SPRY3: variants seen among roughly 807,000 people sequenced by gnomAD.
SPRY3 encodes the protein sprouty RTK signaling antagonist 3.
In SPRY3, 15 loss-of-function variants were observed where a neutral mutation model predicts 20.2. The ratio of observed to expected loss-of-function variants is 0.74; its 90% CI spans 0.50 to 1.14. The LOEUF is 1.14. SPRY3 is among the 50% of genes most tolerant of loss of function. The pLI is 0.00. For synonymous variants in SPRY3, 143 were observed against 136.5 expected (o/e 1.05, Z -0.33); for missense variants, 364 against 363.9 (o/e 1.00, Z 0.00).
At chrX:155,732,641 A>G (rs992875231) in intron 2 of SPRY3, among the ~76,000 whole-genome samples, 15 of 152,018 alleles carry the variant, frequency 9.9e-5, no homozygotes, top group African/African-American at 3.4e-4. Context: ...CAGCAATCCC[A>G]CTGTTGGGTA....
At chrX:155,652,116 C>A (rs898196277) in intron 1 of SPRY3, among the ~76,000 whole-genome samples, 1 of 110,922 alleles carries the variant, frequency 9.0e-6, no homozygotes, top group Non-Finnish European at 1.9e-5. Flanking sequence ...AGGAGAACAG[C>A]GAGGAGGAAA....
intron 2 of SPRY3, among the ~76,000 whole-genome samples, chrX:155,760,536 CT>C (rs1477144725): frequency 4.6e-5 from 7 of 152,110 alleles, no homozygotes; most frequent in African/African-American, 1.7e-4. Context: ...AAGTTTGTGT[CT>C]TTCTTTGACT....
At chrX:155,720,642 G>T (rs1392469502) in intron 2 of SPRY3, among the ~76,000 whole-genome samples, 1 of 152,216 alleles carries the variant, frequency 6.6e-6, no homozygotes, top group South Asian at 2.1e-4. Flanking sequence ...GGGAGAACAG[G>T]AGTTTCTGCC....
At chrX:155,740,708 A>G (rs1479841177) in intron 2 of SPRY3, among the ~76,000 whole-genome samples, 1 of 152,168 alleles carries the variant, frequency 6.6e-6, no homozygotes, top group African/African-American at 2.4e-5. Flanking sequence ...ACAGCTGAAC[A>G]TAGACCCTTA....
chrX:155,634,951 A>G (rs1418488732), intron 1 of SPRY3, among the ~76,000 whole-genome samples: 1 of 109,205 alleles, frequency 9.2e-6, no homozygotes, highest in Non-Finnish European at 1.9e-5. Context: ...GGTTTGTTAC[A>G]TAGGTATACA....
intron 2 of SPRY3, among the ~76,000 whole-genome samples, chrX:155,719,367 T>A (rs375596423): frequency 5.3e-5 from 8 of 151,910 alleles, no homozygotes; most frequent in African/African-American, 1.9e-4. Flanking sequence ...GGGCTCTAAA[T>A]AAACTTGAAA....
intron 2 of SPRY3, among the ~76,000 whole-genome samples, chrX:155,736,961 A>T (rs1363542137): frequency 1.3e-5 from 2 of 151,936 alleles, no homozygotes; most frequent in African/African-American, 4.8e-5. Context: ...TTCCTGGACC[A>T]TGTCTAGTCT....
intron 2 of SPRY3, among the ~76,000 whole-genome samples, chrX:155,663,913 C>CA (rs1255168339): frequency 9.0e-6 from 1 of 111,238 alleles, no homozygotes; most frequent in Middle Eastern, 4.2e-3. Context: ...CATACACATA[C>CA]AATATGCAAG....
chrX:155,688,006 A>T (rs2068092393), intron 2 of SPRY3, among the ~76,000 whole-genome samples: 1 of 109,895 alleles, frequency 9.1e-6, no homozygotes, highest in Non-Finnish European at 1.9e-5. Flanking sequence ...TAAGCATAGC[A>T]TCCATTAGCT....
chrX:155,759,819 T>C (rs1479991872), intron 2 of SPRY3, among the ~76,000 whole-genome samples: 1 of 152,138 alleles, frequency 6.6e-6, no homozygotes, highest in Non-Finnish European at 1.5e-5. Context: ...CCCAAGTCTA[T>C]TGGGAAACAC....
chrX:155,700,457 A>T (rs1231803055), intron 2 of SPRY3, among the ~76,000 whole-genome samples: 1 of 107,775 alleles, frequency 9.3e-6, no homozygotes, highest in Non-Finnish European at 1.9e-5. Flanking sequence ...GAAAAGAGTT[A>T]CTCAAAAAAA....
At chrX:155,752,216 C>T (rs1029416977) in intron 2 of SPRY3, among the ~76,000 whole-genome samples, 2 of 151,340 alleles carry the variant, frequency 1.3e-5, no homozygotes, top group African/African-American at 4.8e-5. Context: ...CTACATATCC[C>T]TATGGGGTAG....
At chrX:155,748,582 C>A (rs1487928971) in intron 2 of SPRY3, among the ~76,000 whole-genome samples, 1 of 151,726 alleles carries the variant, frequency 6.6e-6, no homozygotes, top group Non-Finnish European at 1.5e-5. Context: ...TACATGAATT[C>A]TTCCTCTATA....
At chrX:155,673,685 T>G in intron 2 of SPRY3, among the ~76,000 whole-genome samples, 1 of 112,264 alleles carries the variant, frequency 8.9e-6, no homozygotes, top group East Asian at 2.8e-4. Context: ...ATTTTTCTAT[T>G]TAGTCTTTTG....
chrX:155,716,493 C>T (rs1311195074), intron 2 of SPRY3, among the ~76,000 whole-genome samples: 1 of 152,026 alleles, frequency 6.6e-6, no homozygotes, highest in Admixed American at 6.6e-5. Context: ...TTGCTGTTTT[C>T]CCACACATCT....
intron 2 of SPRY3, among the ~76,000 whole-genome samples, chrX:155,733,762 G>T (rs1311903234): frequency 6.6e-6 from 1 of 152,082 alleles, no homozygotes; most frequent in Non-Finnish European, 1.5e-5. Flanking sequence ...CTATTGCTTA[G>T]TGTAGCCACC....
chrX:155,780,944 A>G (rs1191524388), downstream of SPRY3: 1 of 166,762 alleles, frequency 6.0e-6, no homozygotes, highest in Non-Finnish European at 1.5e-5. Flanking sequence ...AACACCATTT[A>G]CTAACTACTT....
intron 1 of SPRY3, among the ~76,000 whole-genome samples, chrX:155,647,363 T>C (rs1294068426): frequency 1.8e-5 from 2 of 110,881 alleles, no homozygotes; most frequent in Non-Finnish European, 3.8e-5. Flanking sequence ...AATGTGCAGG[T>C]TTGTTACATA....
chrX:155,624,055 A>G (rs1480199356), intron 1 of SPRY3, among the ~76,000 whole-genome samples: 2 of 112,228 alleles, frequency 1.8e-5, no homozygotes, highest in Non-Finnish European at 3.8e-5. Flanking sequence ...TCTATTAAAC[A>G]CAATATTGGG....
Sources: gnomAD v4.1 joint callset for allele counts (sites outside exome capture counted in the v4.1 genomes callset) on GRCh38, gnomAD v4.1.1 for gene constraint, MANE v1.5 for transcripts, NCBI Gene and HGNC (gene_info 2026-07-23, HGNC 2026-07-21) for gene names.